The following KLHL4 variants were observed in gnomAD, a reference collection of about 807,000 sequenced individuals.
KLHL4 encodes the protein kelch-like protein 4.
A neutral mutation model predicts 45.8 loss-of-function variants in KLHL4; 17 were observed. The ratio of observed to expected loss-of-function variants is 0.37; its 90% CI spans 0.25 to 0.56. KLHL4 has a LOEUF of 0.56. KLHL4 is among the 20% of genes least tolerant of loss of function. The probability of loss-of-function intolerance (pLI) is 0.79; values close to 1 mark genes in which losing one functional copy is unlikely to be tolerated. For missense variants in KLHL4, 544 were observed against 544.9 expected (o/e 1.00, Z 0.02); for synonymous variants, 224 against 189.9 (o/e 1.18, Z -1.47).
intron 1 of KLHL4, among the ~76,000 whole-genome samples, chrX:87,568,113 G>T (rs893348773): frequency 9.0e-6 from 1 of 110,741 alleles, no homozygotes; most frequent in African/African-American, 3.3e-5. Flanking sequence ...CCATTTACAT[G>T]ATGTACCTAG....
At chrX:87,617,570 G>A (rs1471187877) in intron 3 of KLHL4, among the ~76,000 whole-genome samples, 1 of 111,798 alleles carries the variant, frequency 8.9e-6, no homozygotes, top group Non-Finnish European at 1.9e-5. Flanking sequence ...AATTAAAATT[G>A]TATGTGTTTA....
chrX:87,541,753 A>C (rs1163642826), intron 1 of KLHL4, among the ~76,000 whole-genome samples: 1 of 111,483 alleles, frequency 9.0e-6, no homozygotes, highest in African/African-American at 3.3e-5. Context: ...CATTGCTATA[A>C]AGATAACCTG....
At chrX:87,636,514 G>A (rs56784186) in intron 9 of KLHL4, among the ~76,000 whole-genome samples, 7,286 of 111,286 alleles carry the variant, frequency 0.065, 606 homozygotes, top group African/African-American at 0.23. Context: ...GCTGCGCAGG[G>A]ATAGCCGTAG....
intron 1 of KLHL4, among the ~76,000 whole-genome samples, chrX:87,543,119 T>C (rs1931597722): frequency 9.0e-6 from 1 of 111,402 alleles, no homozygotes; most frequent in South Asian, 3.8e-4. Flanking sequence ...CCTTCCACTA[T>C]GATTGTAAGA....
intron 1 of KLHL4, among the ~76,000 whole-genome samples, chrX:87,565,391 C>G (rs1932184642): frequency 9.0e-6 from 1 of 111,143 alleles, no homozygotes; most frequent in Non-Finnish European, 1.9e-5. Context: ...AAACCTTTAG[C>G]TAGCCTGACC....
chrX:87,643,792 T>C (rs779879264), intron 9 of KLHL4, among the ~76,000 whole-genome samples: 1 of 111,515 alleles, frequency 9.0e-6, no homozygotes, highest in African/African-American at 3.3e-5. Context: ...AAAATAATTT[T>C]TAAAAAATCA....
intron 6 of KLHL4, among the ~76,000 whole-genome samples, chrX:87,628,144 G>A (rs1463572800): frequency 1.8e-5 from 2 of 111,559 alleles, no homozygotes; most frequent in Admixed American, 9.6e-5. Context: ...CTTAATCTTT[G>A]GCATTTTGCA....
At chrX:87,546,985 A>T (rs2147776362) in intron 1 of KLHL4, among the ~76,000 whole-genome samples, 1 of 111,967 alleles carries the variant, frequency 8.9e-6, no homozygotes, top group East Asian at 2.8e-4. Context: ...TTTTGATTTT[A>T]CAGGCTCCTA....
chrX:87,667,121 T>C lies in KLHL4; in HGVS notation c.*587T>C. ...ATAATGGCTCTTTGACAAAACTTGT[T>C]ATGTTGATCGCGGTATGTCAAAATT... On this transcript the variant is annotated 3_prime_UTR_variant, in exon 11 of 11. Transcript: ENST00000373119. The C allele has an allele frequency of 1.3e-6, 1 of 752,960 alleles. No homozygotes were observed. The highest frequency in any genetic ancestry group is 1.6e-6 in the Non-Finnish European group (1 of 638,259). The allele number at this position is 752,960 out of a possible 1,213,427, so 62.1% of individuals were successfully genotyped here.
rs899011410 is a variant in KLHL4 at position 87,597,883 on chromosome X, A to G, written c.423-15994A>G. Among the ~76,000 whole-genome samples, 10 of 110,946 alleles carry G rather than the reference A, an allele frequency of 9.0e-5. 1 individual carries two copies. In the Admixed American group the frequency reaches 9.6e-4, roughly 11 times the overall value. On this transcript the variant is annotated intron_variant, in intron 1 of 10. Coordinates refer to ENST00000373119, the MANE Select transcript of KLHL4 (RefSeq NM_019117.5). ...CTTCTAATAGTATTTAGAAAGTGTC[A>G]TGTTCTAGTAATTGGATATTTGGTG...
chrX:87,614,156 T>C, intron 2 of KLHL4, 112 bp downstream of exon 2: 1 of 642,819 alleles, frequency 1.6e-6, no homozygotes. Context: ...TTTTCCTATA[T>C]TGAAAAAGTC....
chrX:87,572,969 A>G (rs1932365729), intron 1 of KLHL4, among the ~76,000 whole-genome samples: 1 of 111,660 alleles, frequency 9.0e-6, no homozygotes, highest in Admixed American at 9.5e-5. Context: ...TAATCTCATA[A>G]AAGCGACAAA....
chrX:87,552,850 T>C (rs1931865322), intron 1 of KLHL4, among the ~76,000 whole-genome samples: 1 of 109,531 alleles, frequency 9.1e-6, no homozygotes, highest in African/African-American at 3.3e-5. Flanking sequence ...GGTTAGTGGG[T>C]ACAAAAAAAT....
At chrX:87,557,617 A>AT (rs58546975) in intron 1 of KLHL4, among the ~76,000 whole-genome samples, 27,367 of 109,688 alleles carry the variant, frequency 0.25, 2,975 homozygotes, top group East Asian at 0.51. Flanking sequence ...AATGTTTATT[A>AT]TTTTTTTTGC....
chrX:87,583,140 G>A (rs190045146), intron 1 of KLHL4, among the ~76,000 whole-genome samples: 13 of 112,261 alleles, frequency 1.2e-4, no homozygotes, highest in Non-Finnish European at 2.4e-4. Flanking sequence ...GCTAGCTACA[G>A]GGTGTTAATT....
intron 9 of KLHL4, among the ~76,000 whole-genome samples, chrX:87,652,260 G>T (rs766132086): frequency 8.9e-6 from 1 of 112,416 alleles, no homozygotes; most frequent in South Asian, 3.7e-4. Context: ...TCTCTGGCAT[G>T]CCCTAGAGAC....
chrX:87,523,624 T>C (rs192491147), intron 1 of KLHL4, among the ~76,000 whole-genome samples: 20 of 111,357 alleles, frequency 1.8e-4, no homozygotes, highest in Non-Finnish European at 3.2e-4. Context: ...AATCATAATA[T>C]AAAATAAACA....
intron 8 of KLHL4, 127 bp downstream of exon 8, chrX:87,634,038 G>T (rs1923184659): frequency 2.0e-6 from 1 of 496,636 alleles, no homozygotes; most frequent in East Asian, 3.7e-5. Flanking sequence ...ATAATAAAAG[G>T]TCTTCATTGG....
chrX:87,640,328 G>A (rs1246860676), intron 9 of KLHL4, among the ~76,000 whole-genome samples: 8 of 111,454 alleles, frequency 7.2e-5, no homozygotes, highest in African/African-American at 1.9e-4. Flanking sequence ...GGAATCCTCC[G>A]TAAATCATTC....
Sources: gnomAD v4.1 joint callset for allele counts (sites outside exome capture counted in the v4.1 genomes callset) on GRCh38, gnomAD v4.1.1 for gene constraint, MANE v1.5 for transcripts, NCBI Gene and HGNC (gene_info 2026-07-23, HGNC 2026-07-21) for gene names.